OXR1: variants seen among roughly 807,000 people sequenced by gnomAD.
OXR1 encodes the protein oxidation resistance protein 1.
OXR1 carries 41 observed loss-of-function variants against 104.6 expected under a neutral mutation model. The observed-to-expected ratio is 0.39, with a 90% confidence interval of 0.31 to 0.51. The LOEUF is 0.51. OXR1 is among the 20% of genes least tolerant of loss of function. The pLI is 0.77. For missense variants in OXR1, 955 were observed against 1,031.9 expected (o/e 0.93, Z 1.02); for synonymous variants, 348 against 348.4 (o/e 1.00, Z 0.01).
intron 2 of OXR1, among the ~76,000 whole-genome samples, chr8:106,416,728 G>A (rs966268347): frequency 6.6e-6 from 1 of 151,938 alleles, no homozygotes; most frequent in Admixed American, 6.6e-5. Flanking sequence ...ATTTGGCCTG[G>A]TGAGAATGCA....
intron 3 of OXR1, among the ~76,000 whole-genome samples, chr8:106,550,725 C>T (rs1027882347): frequency 6.6e-6 from 1 of 152,074 alleles, no homozygotes; most frequent in African/African-American, 2.4e-5. Context: ...ACCATGATTC[C>T]ATGATTGTAA....
intron 10 of OXR1, among the ~76,000 whole-genome samples, chr8:106,712,626 G>A (rs923396699): frequency 1.3e-5 from 2 of 151,974 alleles, no homozygotes; most frequent in African/African-American, 4.8e-5. Flanking sequence ...TGTTGCTTTG[G>A]AAGACTACAG....
At chr8:106,383,200 A>G (rs1817232721) in intron 2 of OXR1, among the ~76,000 whole-genome samples, 1 of 152,198 alleles carries the variant, frequency 6.6e-6, no homozygotes, top group Admixed American at 6.5e-5. Context: ...TGCTTGTATA[A>G]TGATGCAAGA....
intron 16 of OXR1, among the ~76,000 whole-genome samples, chr8:106,750,372 C>G (rs1211209132): frequency 7.1e-6 from 1 of 140,924 alleles, no homozygotes; most frequent in Non-Finnish European, 1.5e-5. Context: ...GTCGCGCAGG[C>G]TGGAGTGCAA....
At chr8:106,634,990 T>G (rs1325684395) in intron 3 of OXR1, among the ~76,000 whole-genome samples, 1 of 152,210 alleles carries the variant, frequency 6.6e-6, no homozygotes, top group Non-Finnish European at 1.5e-5. Context: ...TTCATTTGCA[T>G]ATTAAAGTTT....
Position 106,502,801 on chromosome 8 carries a change from A to G in OXR1, c.24-16142A>G, listed in dbSNP as rs577686584. The stretch of plus-strand genomic sequence containing the variant: ...TCCTGTACCTTTACCTGTTTTTTCT[A>G]ATCCCAGGCTCACTTTTCTCTTATT... On this transcript the variant is annotated intron_variant, in intron 2 of 16. Transcript: ENST00000517566. 2.0e-5 allele frequency among the ~76,000 whole-genome samples: 3 copies of G among 152,270 alleles called. No homozygotes were observed. In the South Asian group the frequency reaches 6.2e-4, roughly 32 times the overall value.
chr8:106,330,336 A>G (rs1222601832), intron 1 of OXR1, among the ~76,000 whole-genome samples: 1 of 152,166 alleles, frequency 6.6e-6, no homozygotes, highest in Non-Finnish European at 1.5e-5. Context: ...CATTGAAGGA[A>G]ACTATTTTGC....
intron 3 of OXR1, among the ~76,000 whole-genome samples, chr8:106,652,363 T>C (rs1824657510): frequency 6.6e-6 from 1 of 152,028 alleles, no homozygotes; most frequent in African/African-American, 2.4e-5. Context: ...GGATAGACTA[T>C]AAACTAGGCC....
At chr8:106,712,262 T>C (rs1346411231) in intron 10 of OXR1, among the ~76,000 whole-genome samples, 1 of 152,178 alleles carries the variant, frequency 6.6e-6, no homozygotes, top group East Asian at 1.9e-4. Context: ...GAAAACTCCT[T>C]CAGTTTTGCG....
chr8:106,542,238 G>C (rs1350795788), intron 3 of OXR1, among the ~76,000 whole-genome samples: 1 of 152,114 alleles, frequency 6.6e-6, no homozygotes, highest in Non-Finnish European at 1.5e-5. Context: ...TTTATACTTG[G>C]AGATTACTAT....
At chr8:106,274,532 T>G (rs887470447) in intron 1 of OXR1, among the ~76,000 whole-genome samples, 2 of 151,722 alleles carry the variant, frequency 1.3e-5, no homozygotes, top group African/African-American at 4.9e-5. Flanking sequence ...CCTATTACTG[T>G]CCCTCAGGGA....
At chr8:106,501,649 T>C (rs1811815809) in intron 2 of OXR1, among the ~76,000 whole-genome samples, 1 of 152,174 alleles carries the variant, frequency 6.6e-6, no homozygotes, top group African/African-American at 2.4e-5. Flanking sequence ...ATCCTTGTTC[T>C]GAAATGCCTC....
intron 2 of OXR1, among the ~76,000 whole-genome samples, chr8:106,432,972 A>G (rs1207601484): frequency 6.6e-6 from 1 of 152,142 alleles, no homozygotes; most frequent in East Asian, 1.9e-4. Flanking sequence ...ATTGAGATTG[A>G]TCTATAACTG....
chr8:106,617,428 C>CA (rs200303019), intron 3 of OXR1, among the ~76,000 whole-genome samples: 1,814 of 147,862 alleles, frequency 0.012, 41 homozygotes, highest in African/African-American at 0.041. Flanking sequence ...GGCTCCATCT[C>CA]AAAAAAAAAG....
At chr8:106,576,821 A>G (rs549090336) in intron 3 of OXR1, among the ~76,000 whole-genome samples, 1 of 152,314 alleles carries the variant, frequency 6.6e-6, no homozygotes, top group African/African-American at 2.4e-5. Context: ...TACTGAAAAC[A>G]CTATAGAAAG....
chr8:106,297,929 C>A (rs1050328259), intron 1 of OXR1, among the ~76,000 whole-genome samples: 6 of 152,292 alleles, frequency 3.9e-5, no homozygotes. Flanking sequence ...GAGAAGAGAT[C>A]TTTGCCAGCA....
At chr8:106,588,494 C>CTT (rs55837142) in intron 3 of OXR1, among the ~76,000 whole-genome samples, 77 of 145,120 alleles carry the variant, frequency 5.3e-4, no homozygotes, top group East Asian at 1.8e-3. Flanking sequence ...TTCTCATTTA[C>CTT]TTTTTTTTTT....
intron 3 of OXR1, among the ~76,000 whole-genome samples, chr8:106,570,461 G>C (rs1817393510): frequency 6.6e-6 from 1 of 152,106 alleles, no homozygotes; most frequent in Non-Finnish European, 1.5e-5. Flanking sequence ...TGAAATTGGA[G>C]GGGAGAAAAT....
At chr8:106,339,002 G>A (rs1323200470) in intron 1 of OXR1, among the ~76,000 whole-genome samples, 1 of 152,016 alleles carries the variant, frequency 6.6e-6, no homozygotes, top group Non-Finnish European at 1.5e-5. Flanking sequence ...TTACATAATG[G>A]ACAGAAATGT....
Sources: allele counts gnomAD v4.1 joint callset (sites outside exome capture counted in the v4.1 genomes callset), GRCh38; gene constraint gnomAD v4.1.1; transcripts MANE v1.5; gene names NCBI Gene and HGNC (gene_info 2026-07-23, HGNC 2026-07-21).